OSBPL9: variants seen among roughly 807,000 people sequenced by gnomAD.
OSBPL9 encodes oxysterol binding protein like 9, also known as oxysterol-binding protein-related protein 9.
OSBPL9 carries 40 observed loss-of-function variants against 106.6 expected under a neutral mutation model. The observed-to-expected ratio is 0.38, with a 90% CI of 0.29 to 0.49. The LOEUF (loss-of-function observed/expected upper bound fraction) is 0.49, where lower values mean the gene tolerates loss of function less well. OSBPL9 is among the 20% of genes least tolerant of loss of function. The probability of loss-of-function intolerance (pLI) is 0.97; values close to 1 mark genes in which losing one functional copy is unlikely to be tolerated. For missense variants in OSBPL9, 609 were observed against 887.2 expected, an observed-to-expected ratio of 0.69 and a Z score of 3.98; for synonymous variants, 269 against 295.4, an observed-to-expected ratio of 0.91 and a Z score of 0.92.
intron 4 of OSBPL9, among the ~76,000 whole-genome samples, chr1:51,714,328 C>T (rs2148894400): frequency 6.6e-6 from 1 of 152,178 alleles, no homozygotes. Context: ...AAGTGAAATT[C>T]TATGTTAAAA....
chr1:51,568,143 A>G, the OSBPL9 span, among the ~76,000 whole-genome samples: 1 of 152,260 alleles, frequency 6.6e-6, no homozygotes, highest in Non-Finnish European at 1.5e-5. Context: ...TGGAAGAAAG[A>G]ATCCTGTGGA....
chr1:51,673,500 CA>C (rs1650421912), intron 3 of OSBPL9, among the ~76,000 whole-genome samples: 2 of 152,112 alleles, frequency 1.3e-5, no homozygotes, highest in African/African-American at 4.8e-5. Context: ...ATTGATGATG[CA>C]AGAGAGAAAG....
At chr1:51,527,253 G>A in the OSBPL9 span, among the ~76,000 whole-genome samples, 4 of 152,060 alleles carry the variant, frequency 2.6e-5, no homozygotes. Flanking sequence ...AATAGACAAT[G>A]ATTATAAAGC....
chr1:51,633,076 C>T (rs1645206835), intron 1 of OSBPL9, among the ~76,000 whole-genome samples: 1 of 152,032 alleles, frequency 6.6e-6, no homozygotes, highest in Admixed American at 6.5e-5. Flanking sequence ...CCTGCCTCAG[C>T]CTCCCAGGTA....
chr1:51,716,426 C>G (rs79379769), intron 4 of OSBPL9, among the ~76,000 whole-genome samples: 284 of 152,320 alleles, frequency 1.9e-3, no homozygotes, highest in African/African-American at 6.8e-3. Context: ...AGAGTACCTA[C>G]TTCATAGAGT....
chr1:51,733,927 T>C (rs1007802849), intron 4 of OSBPL9, among the ~76,000 whole-genome samples: 14 of 152,138 alleles, frequency 9.2e-5, no homozygotes, highest in African/African-American at 1.9e-4. Flanking sequence ...GGAAAAAGCA[T>C]GTAGGCTAGC....
At chr1:51,535,869 A>G in the OSBPL9 span, among the ~76,000 whole-genome samples, 1 of 151,972 alleles carries the variant, frequency 6.6e-6, no homozygotes, top group Non-Finnish European at 1.5e-5. Context: ...GCCCACCTTT[A>G]CACTTTATTT....
At chr1:51,645,331 A>G (rs965993233) in intron 1 of OSBPL9, among the ~76,000 whole-genome samples, 15 of 152,072 alleles carry the variant, frequency 9.9e-5, no homozygotes, top group Admixed American at 1.3e-4. Flanking sequence ...GCCCATTTTT[A>G]AATTGGGTTG....
Position 51,646,932 on chromosome 1 carries a change from C to T in OSBPL9, c.112-5059C>T, listed in dbSNP as rs141029834. Among the ~76,000 whole-genome samples, 220 of 152,222 alleles carry T rather than the reference C, an allele frequency of 1.4e-3. 1 individual carries two copies. The highest frequency in any genetic ancestry group is 5.0e-3 in the African/African-American group (207 of 41,538). On this transcript the variant is annotated intron_variant, in intron 1 of 23. Coordinates refer to ENST00000428468, the MANE Select transcript of OSBPL9 (RefSeq NM_024586.6). ...AGATGCCTTTATTTCCTTTTCTTGC[C>T]TGATTTCTCTGGCTAGTACCTCCAG...
chr1:51,533,845 CTTTTTTT>C, the OSBPL9 span, among the ~76,000 whole-genome samples: 99 of 116,298 alleles, frequency 8.5e-4, no homozygotes, highest in Admixed American at 1.3e-3. Context: ...TTTTTTCTTT[CTTTTTTT>C]TTTTTTTTTT....
At chr1:51,537,307 T>C in the OSBPL9 span, among the ~76,000 whole-genome samples, 1 of 152,220 alleles carries the variant, frequency 6.6e-6, no homozygotes, top group Non-Finnish European at 1.5e-5. Context: ...CATGTCTTCA[T>C]CACTTTTTTT....
At chr1:51,614,988 A>G (rs567899982), upstream of OSBPL9, among the ~76,000 whole-genome samples, 43 of 152,312 alleles carry the variant, frequency 2.8e-4, no homozygotes, top group African/African-American at 1.0e-3. Flanking sequence ...CGCCCAGCGC[A>G]ATGGCTCACA....
chr1:51,683,933 AT>A (rs897264077), intron 3 of OSBPL9, among the ~76,000 whole-genome samples: 60 of 152,306 alleles, frequency 3.9e-4, no homozygotes, highest in African/African-American at 1.4e-3. Flanking sequence ...GAGGCAGTGA[AT>A]GTTGGGGAGA....
intron 3 of OSBPL9, among the ~76,000 whole-genome samples, chr1:51,690,447 T>A (rs574831967): frequency 2.6e-5 from 4 of 152,348 alleles, no homozygotes; most frequent in African/African-American, 9.6e-5. Context: ...AATATTTGCC[T>A]GCATTTTATC....
intron 1 of OSBPL9, among the ~76,000 whole-genome samples, chr1:51,646,236 T>C (rs2148689431): frequency 6.6e-6 from 1 of 152,334 alleles, no homozygotes; most frequent in East Asian, 1.9e-4. Flanking sequence ...ACATTAAGTC[T>C]TTCAATCTAA....
intron 2 of OSBPL9, among the ~76,000 whole-genome samples, chr1:51,668,495 G>T (rs539713253): frequency 2.0e-5 from 3 of 152,042 alleles, no homozygotes; most frequent in African/African-American, 7.2e-5. Flanking sequence ...GGTGGCACAC[G>T]CTTGTAATCC....
chr1:51,609,205 T>C (rs1361507025), intron 2 of OSBPL9, among the ~76,000 whole-genome samples: 4 of 152,178 alleles, frequency 2.6e-5, no homozygotes, highest in African/African-American at 7.2e-5. Flanking sequence ...TATTGATTCT[T>C]AATCTTTTTT....
At chr1:51,664,199 C>T (rs1012371002) in intron 2 of OSBPL9, among the ~76,000 whole-genome samples, 37 of 152,014 alleles carry the variant, frequency 2.4e-4, no homozygotes, top group African/African-American at 8.2e-4. Flanking sequence ...ATTCTAATAA[C>T]GTAAAACTGA....
the OSBPL9 span, among the ~76,000 whole-genome samples, chr1:51,537,976 T>C: frequency 6.6e-6 from 1 of 152,146 alleles, no homozygotes; most frequent in Non-Finnish European, 1.5e-5. Flanking sequence ...ACAACATCAA[T>C]GTCTTTATTC....
Sources: gnomAD v4.1 joint callset for allele counts (sites outside exome capture counted in the v4.1 genomes callset) on GRCh38, gnomAD v4.1.1 for gene constraint, MANE v1.5 for transcripts, NCBI Gene and HGNC (gene_info 2026-07-23, HGNC 2026-07-21) for gene names.